Variants in PIWIL3 observed in about 807,000 individuals in gnomAD.
The protein encoded by PIWIL3 is piwi like RNA-mediated gene silencing 3.
PIWIL3 carries 101 observed loss-of-function variants against 109.7 expected under a neutral mutation model. That is an observed-to-expected ratio of 0.92 (90% CI 0.78 to 1.09). The LOEUF is 1.09. Ranked by LOEUF, PIWIL3 falls within the 50% of genes least tolerant of loss-of-function variation. PIWIL3 has a pLI of 0.00. For synonymous variants in PIWIL3, 373 were observed against 376.4 expected, an observed-to-expected ratio of 0.99 and a Z score of 0.10; for missense variants, 1,031 against 1,072.6, an observed-to-expected ratio of 0.96 and a Z score of 0.54.
chr22:24,725,616 G>T, intron 16 of PIWIL3, 101 bp from the exon 17 acceptor site: 2 of 1,129,494 alleles, frequency 1.8e-6, no homozygotes, highest in Non-Finnish European at 2.6e-6. Context: ...CAGTAGTTAA[G>T]GACATTTTAG....
intron 1 of PIWIL3, among the ~76,000 whole-genome samples, chr22:24,762,774 A>G (rs1474645450): frequency 6.6e-6 from 1 of 152,142 alleles, no homozygotes; most frequent in Non-Finnish European, 1.5e-5. Context: ...CAAGAAGGGA[A>G]ACGAGAAACT....
At chr22:24,749,371 G>C in intron 11 of PIWIL3, 33 bp downstream of exon 11, 1 of 1,611,154 alleles carries the variant, frequency 6.2e-7, no homozygotes, top group South Asian at 1.1e-5. Context: ...CCATGCACAT[G>C]TACACACACT....
Position 24,749,775 on chromosome 22 carries a change from G to A in PIWIL3, c.1134C>T (p.Val378=), listed in dbSNP as rs1219339864. ...GGCCCTTTTTCCATCTGCCCTGGCT[G>A]ACCAAAAGTGGCTGTTTCTTCACTG... ...IVTVKKQPLL[V]SQGRWKKGLT... The change falls in exon 10 of 21, where the codon GTC becomes GTT. Residue 378 remains valine (V), a synonymous_variant. Transcript: ENST00000616349. 3 of 1,613,948 alleles carry A rather than the reference G, an allele frequency of 1.9e-6. No individual in the cohort carries two copies. The highest frequency in any genetic ancestry group is 1.1e-5 in the South Asian group (1 of 91,072).
intron 12 of PIWIL3, among the ~76,000 whole-genome samples, chr22:24,748,585 A>G (rs1347140424): frequency 6.6e-6 from 1 of 152,210 alleles, no homozygotes; most frequent in Non-Finnish European, 1.5e-5. Flanking sequence ...AACAAAATTT[A>G]AATAAAGTTT....
intron 1 of PIWIL3, among the ~76,000 whole-genome samples, chr22:24,770,459 C>T (rs2147735649): frequency 6.6e-6 from 1 of 152,180 alleles, no homozygotes. Flanking sequence ...CCCCCAGACA[C>T]TCCTTGTACC....
At chr22:24,773,309 GA>G (rs1926230707) in intron 1 of PIWIL3, among the ~76,000 whole-genome samples, 1 of 152,146 alleles carries the variant, frequency 6.6e-6, no homozygotes. Context: ...CCCTGCACAG[GA>G]ACCCTCTTCC....
intron 3 of PIWIL3, among the ~76,000 whole-genome samples, chr22:24,758,468 GAA>G (rs1925222199): frequency 6.6e-6 from 1 of 152,168 alleles, no homozygotes; most frequent in African/African-American, 2.4e-5. Flanking sequence ...GAGCAACTAG[GAA>G]AGGATCACAC....
rs1392113247 is a variant in PIWIL3, at chr22:24,759,938, CT to C, written c.153del (p.Val52SerfsTer25). 6.2e-7 allele frequency: 1 copy of C among 1,614,072 alleles called. No individual in the cohort carries two copies. The highest frequency in any genetic ancestry group is 8.5e-7 in the Non-Finnish European group (1 of 1,180,034). On this transcript the variant is annotated frameshift_variant, in exon 3 of 21. Coordinates refer to ENST00000616349, the MANE Select transcript of PIWIL3 (RefSeq NM_001255975.1). LOFTEE classifies it high-confidence loss of function. ...LQSTPRPLQE[E>X]VPVVRPLQPR... is the part of the protein sequence containing the mutation. ...GGCTGCAGAGGTCTAACCACTGGGA[CT>C]TCCTCCTGCAGCGGCCGGGGTGTCG...
In PIWIL3 at chr22:24,734,144, A is replaced by G; in HGVS notation, c.1647T>C (p.Asp549=). The G allele has an allele frequency of 6.2e-7, 1 of 1,611,932 alleles. No homozygotes were observed. Among genetic ancestry groups the G allele is most frequent in the East Asian group, 2.2e-5 (1 of 44,814 alleles). Residue 549 remains aspartate (D), a synonymous_variant, in exon 14 of 21, where the codon GAT becomes GAC. Coordinates refer to ENST00000616349, the MANE Select transcript of PIWIL3 (RefSeq NM_001255975.1). Reference sequence around the variant, plus strand: ...TGTCTATATAGGAGTTAGCATCACCATCTACTTCAATCCTAAAAAATAAAT... The same window carrying G: ...TGTCTATATAGGAGTTAGCATCACCGTCTACTTCAATCCTAAAAAATAAAT... ...TMKPAEMIEV[D]GDANSYIDTL...
chr22:24,727,521 G>A (rs934398509), intron 16 of PIWIL3, among the ~76,000 whole-genome samples: 1 of 152,118 alleles, frequency 6.6e-6, no homozygotes, highest in Non-Finnish European at 1.5e-5. Context: ...AAAAACCAGG[G>A]ACCTCTGTCA....
Position 24,728,388 on chromosome 22 carries a change from A to G in PIWIL3, c.1708-14T>C. 6.2e-7 allele frequency: 1 copy of G among 1,614,200 alleles called. No individual in the cohort carries two copies. The highest frequency in any genetic ancestry group is 8.5e-7 in the Non-Finnish European group (1 of 1,180,024). On this transcript the variant is annotated splice_polypyrimidine_tract_variant and intron_variant, in intron 14 of 20. Transcript: ENST00000616349. ...GATACAAATCACCTTGAAAACCAGC[A>G]AACATGACATTCCCTAAGATACAAC...
intron 14 of PIWIL3, among the ~76,000 whole-genome samples, chr22:24,728,901 A>ACAAAAAC (rs1923158268): frequency 6.6e-6 from 1 of 152,144 alleles, no homozygotes; most frequent in Non-Finnish European, 1.5e-5. Context: ...AGGAGAAAGG[A>ACAAAAAC]AAAAAACAAA....
intron 1 of PIWIL3, among the ~76,000 whole-genome samples, chr22:24,766,655 T>A (rs1382645569): frequency 6.6e-6 from 1 of 152,164 alleles, no homozygotes; most frequent in Non-Finnish European, 1.5e-5. Flanking sequence ...CACCAATTCT[T>A]TAATATTTTA....
chr22:24,738,597 G>A (rs1264479737), intron 12 of PIWIL3, among the ~76,000 whole-genome samples: 1 of 152,232 alleles, frequency 6.6e-6, no homozygotes, highest in African/African-American at 2.4e-5. Context: ...TAATCCAGAA[G>A]TCTTCTGGAT....
intron 9 of PIWIL3, 58 bp from the exon 10 acceptor site, chr22:24,749,877 A>T (rs973748640): frequency 1.2e-6 from 2 of 1,613,178 alleles, no homozygotes; most frequent in Non-Finnish European, 1.7e-6. Flanking sequence ...AACATCACAC[A>T]CAGAGGTTCA....
chr22:24,744,155 T>C (rs1924173533), intron 12 of PIWIL3, among the ~76,000 whole-genome samples: 1 of 83,366 alleles, frequency 1.2e-5, no homozygotes. Flanking sequence ...TGGACTAAAC[T>C]CTAATTGAAA....
chr22:24,735,036 G>A (rs56223059), intron 13 of PIWIL3, among the ~76,000 whole-genome samples: 7,524 of 151,034 alleles, frequency 0.05, 292 homozygotes, highest in Non-Finnish European at 0.066. Context: ...CCATGGAGAC[G>A]GTAAAAAAAT....
intron 14 of PIWIL3, among the ~76,000 whole-genome samples, chr22:24,730,078 C>T (rs1923247522): frequency 6.6e-6 from 1 of 152,022 alleles, no homozygotes; most frequent in Admixed American, 6.6e-5. Flanking sequence ...TAGAAAACAG[C>T]ATCACCGGCT....
chr22:24,762,920 A>G (rs925004277), intron 1 of PIWIL3, among the ~76,000 whole-genome samples: 4 of 152,022 alleles, frequency 2.6e-5, no homozygotes, highest in Admixed American at 1.3e-4. Flanking sequence ...CCACTTCCCA[A>G]TGCTGCCACA....
Sources: gnomAD v4.1 joint callset for allele counts (sites outside exome capture counted in the v4.1 genomes callset) on GRCh38, gnomAD v4.1.1 for gene constraint, MANE v1.5 for transcripts, NCBI Gene and HGNC (gene_info 2026-07-23, HGNC 2026-07-21) for gene names.